The following CWC27 variants were observed in gnomAD, a reference collection of about 807,000 sequenced individuals.
CWC27 encodes CWC27 spliceosome associated cyclophilin.
Under a neutral mutation model 63.6 loss-of-function variants are expected in CWC27, and 47 were observed. The observed-to-expected ratio is 0.74, with a 90% CI of 0.58 to 0.94. CWC27 has a LOEUF of 0.94. CWC27 is among the 40% of genes least tolerant of loss of function. CWC27 has a pLI of 0.00. For synonymous variants in CWC27, 175 were observed against 179.8 expected (o/e 0.97, Z 0.22); for missense variants, 495 against 554.3 (o/e 0.89, Z 1.07).
chr5:64,858,082 G>A (rs1385139317), intron 10 of CWC27, among the ~76,000 whole-genome samples: 3 of 125,056 alleles, frequency 2.4e-5, no homozygotes, highest in African/African-American at 9.0e-5. Context: ...AGCTTGCAGT[G>A]AGCCGAGATC....
intron 11 of CWC27, among the ~76,000 whole-genome samples, chr5:64,937,026 T>A (rs562218336): frequency 1.3e-5 from 2 of 152,300 alleles, no homozygotes; most frequent in Non-Finnish European, 2.9e-5. Flanking sequence ...GTCTATTTTG[T>A]TGATATTTTC....
At chr5:64,897,631 A>G (rs1747411906) in intron 11 of CWC27, among the ~76,000 whole-genome samples, 1 of 152,146 alleles carries the variant, frequency 6.6e-6, no homozygotes, top group Non-Finnish European at 1.5e-5. Context: ...TAGGAGAAAT[A>G]CCTAATGTAA....
chr5:64,939,895 TG>T (rs897050228), intron 11 of CWC27, among the ~76,000 whole-genome samples: 27 of 152,196 alleles, frequency 1.8e-4, no homozygotes, highest in African/African-American at 6.3e-4. Context: ...TACTAACTTC[TG>T]GTCGGCTTTG....
At chr5:65,014,748 C>T (rs1580783320) in intron 13 of CWC27, among the ~76,000 whole-genome samples, 2 of 152,236 alleles carry the variant, frequency 1.3e-5, no homozygotes, top group Non-Finnish European at 2.9e-5. Flanking sequence ...TTTATAGAGG[C>T]AAGTAGGTCA....
At chr5:64,960,809 C>T (rs890481581) in intron 11 of CWC27, among the ~76,000 whole-genome samples, 7 of 151,756 alleles carry the variant, frequency 4.6e-5, no homozygotes, top group African/African-American at 1.7e-4. Flanking sequence ...GAGATTGTCT[C>T]GCTATGTTGT....
At chr5:65,004,164 G>A (rs1478289369) in intron 13 of CWC27, among the ~76,000 whole-genome samples, 1 of 152,104 alleles carries the variant, frequency 6.6e-6, no homozygotes, top group East Asian at 1.9e-4. Context: ...ACTTTTGACA[G>A]TTTGATTATA....
chr5:64,847,250 A>C (rs1416930844), intron 10 of CWC27, among the ~76,000 whole-genome samples: 3 of 152,210 alleles, frequency 2.0e-5, no homozygotes, highest in Non-Finnish European at 4.4e-5. Flanking sequence ...TACATACATA[A>C]GACAAAGTTG....
At chr5:65,000,104 T>C (rs1255854147) in intron 13 of CWC27, among the ~76,000 whole-genome samples, 2 of 152,134 alleles carry the variant, frequency 1.3e-5, no homozygotes, top group Non-Finnish European at 2.9e-5. Flanking sequence ...TGAACATTTT[T>C]CTACATACCT....
intron 11 of CWC27, among the ~76,000 whole-genome samples, chr5:64,961,965 G>A (rs1003257173): frequency 2.6e-5 from 4 of 152,098 alleles, no homozygotes; most frequent in Non-Finnish European, 5.9e-5. Context: ...ATGATGAATA[G>A]TCATTATAAT....
At chr5:64,792,495 A>G (rs1744119499) in intron 7 of CWC27, among the ~76,000 whole-genome samples, 1 of 152,104 alleles carries the variant, frequency 6.6e-6, no homozygotes, top group African/African-American at 2.4e-5. Context: ...CAACACCTGA[A>G]ATGCCATCTT....
chr5:64,990,277 T>C (rs1157563484), intron 13 of CWC27, among the ~76,000 whole-genome samples: 5 of 43,156 alleles, frequency 1.2e-4, no homozygotes, highest in East Asian at 9.2e-4. Flanking sequence ...TTTTTTTTTT[T>C]TTTTTGAGAC....
In CWC27 at chr5:64,929,672, C is replaced by T. The variant is rs534583341; in HGVS notation, c.1043-42031C>T. The stretch of plus-strand genomic sequence containing the variant: ...CCATAATGAGATATTATTTCACACC[C>T]AGTAGGATGACTATAATTTTTTTTT... On this transcript the variant is annotated intron_variant, in intron 11 of 13. Transcript: ENST00000381070. 3.3e-5 allele frequency among the ~76,000 whole-genome samples: 5 copies of T among 152,182 alleles called. No individual in the cohort carries two copies. In the South Asian group the frequency reaches 8.3e-4, roughly 25 times the overall value.
chr5:64,957,263 A>C (rs1265710455), intron 11 of CWC27, among the ~76,000 whole-genome samples: 4 of 152,172 alleles, frequency 2.6e-5, no homozygotes, highest in African/African-American at 9.7e-5. Context: ...GGCTTCATAA[A>C]TTCTTTTTAT....
chr5:64,970,397 A>G (rs10471644), intron 11 of CWC27, among the ~76,000 whole-genome samples: 32,395 of 151,586 alleles, frequency 0.21, 3,900 homozygotes, highest in South Asian at 0.36. Context: ...TATTTTTAGT[A>G]GAGATGGGGT....
chr5:64,772,469 GC>G (rs1561397825), intron 1 of CWC27, among the ~76,000 whole-genome samples: 1 of 150,076 alleles, frequency 6.7e-6, no homozygotes. Flanking sequence ...TAAAAAAAAT[GC>G]AAAAAAAGTA....
intron 12 of CWC27, among the ~76,000 whole-genome samples, chr5:64,974,674 A>G (rs1019906071): frequency 6.6e-6 from 1 of 152,178 alleles, no homozygotes; most frequent in Non-Finnish European, 1.5e-5. Context: ...ATGTGGAGAG[A>G]TATATTTATG....
At chr5:64,991,312 A>G (rs1431986532) in intron 13 of CWC27, among the ~76,000 whole-genome samples, 2 of 152,018 alleles carry the variant, frequency 1.3e-5, no homozygotes, top group East Asian at 3.9e-4. Flanking sequence ...TTTTGGGGAT[A>G]GTACTCTCCA....
chr5:64,784,141 T>G (rs1315101895), intron 4 of CWC27, among the ~76,000 whole-genome samples, 162 bp downstream of exon 4: 1 of 152,210 alleles, frequency 6.6e-6, no homozygotes, highest in East Asian at 1.9e-4. Context: ...ATATTCCTAA[T>G]ATAGTGCACT....
chr5:64,858,555 A>G (rs1288586685), intron 10 of CWC27, among the ~76,000 whole-genome samples: 2 of 151,982 alleles, frequency 1.3e-5, no homozygotes, highest in Admixed American at 1.3e-4. Context: ...AAAGATTTGT[A>G]TCTAGAATCT....
Sources: allele counts gnomAD v4.1 joint callset (sites outside exome capture counted in the v4.1 genomes callset), GRCh38; gene constraint gnomAD v4.1.1; transcripts MANE v1.5; gene names NCBI Gene and HGNC (gene_info 2026-07-23, HGNC 2026-07-21).